The following PTPRO variants were observed in gnomAD, a reference collection of about 807,000 sequenced individuals.
PTPRO encodes the protein receptor-type tyrosine-protein phosphatase O.
PTPRO carries 62 observed loss-of-function variants against 145.2 expected under a neutral mutation model. The observed-to-expected ratio is 0.43, with a 90% CI of 0.35 to 0.53. PTPRO has a LOEUF of 0.53. Ranked by LOEUF, PTPRO falls within the 20% of genes least tolerant of loss-of-function variation. The pLI is 0.01. For synonymous variants in PTPRO, 565 were observed against 514.7 expected (o/e 1.10, Z -1.32); for missense variants, 1,345 against 1,482.7 (o/e 0.91, Z 1.53).
intron 1 of PTPRO, among the ~76,000 whole-genome samples, chr12:15,435,277 G>T (rs1478822523): frequency 1.3e-5 from 2 of 152,134 alleles, no homozygotes; most frequent in Admixed American, 6.5e-5. Context: ...CGTAAGTCAT[G>T]ATTTTATACT....
intron 1 of PTPRO, among the ~76,000 whole-genome samples, chr12:15,359,020 G>A (rs186364380): frequency 3.9e-5 from 6 of 152,274 alleles, no homozygotes; most frequent in Admixed American, 3.3e-4. Context: ...ACTCAAACTT[G>A]AATTTTACAT....
At position 15,427,877 on chromosome 12, in the gene PTPRO, T is replaced by C. The variant is rs917287472; in HGVS notation, c.76-56097T>C. Among the ~76,000 whole-genome samples, 12 of 152,260 alleles carry C rather than the reference T, an allele frequency of 7.9e-5. No individual in the cohort carries two copies. In the East Asian group the frequency reaches 2.3e-3, roughly 29 times the overall value. On this transcript the variant is annotated intron_variant, in intron 1 of 26. Coordinates refer to ENST00000281171, the MANE Select transcript of PTPRO (RefSeq NM_030667.3). ...TGGTTTCCTCTAAGACTGATCAACT[T>C]TCTCCTTTTACATAAGCATATTTGT...
intron 1 of PTPRO, among the ~76,000 whole-genome samples, chr12:15,434,146 C>G (rs550950009): frequency 6.6e-6 from 1 of 152,276 alleles, no homozygotes; most frequent in South Asian, 2.1e-4. Flanking sequence ...GAGTTATATC[C>G]CATATTTCTA....
At chr12:15,567,720 T>C (rs964535048) in intron 18 of PTPRO, among the ~76,000 whole-genome samples, 3 of 152,140 alleles carry the variant, frequency 2.0e-5, no homozygotes, top group East Asian at 1.9e-4. Flanking sequence ...GTCCCAACTT[T>C]AGCCCATTCT....
intron 1 of PTPRO, among the ~76,000 whole-genome samples, chr12:15,347,667 A>C (rs1017888613): frequency 6.6e-6 from 1 of 152,182 alleles, no homozygotes; most frequent in African/African-American, 2.4e-5. Context: ...ACAAAAGATA[A>C]ATTTTTCTGC....
intron 1 of PTPRO, among the ~76,000 whole-genome samples, chr12:15,412,015 T>C (rs1939814231): frequency 6.6e-6 from 1 of 152,210 alleles, no homozygotes; most frequent in Non-Finnish European, 1.5e-5. Context: ...TTTACCACCC[T>C]GTTCATTGTT....
rs186821562 is a variant in PTPRO, at chr12:15,369,710, C to T, written c.75+46909C>T. Among the ~76,000 whole-genome samples, 570 of 152,050 alleles carry T rather than the reference C, an allele frequency of 3.7e-3. 2 individuals carry two copies. The highest frequency in any genetic ancestry group is 0.013 in the African/African-American group (532 of 41,468). ...TATATTGATTATATATCCTAGAATA[C>T]GGAAAATTCTTAAAAATGAAAACTG... is the stretch of plus-strand genomic sequence containing the variant. On this transcript the variant is annotated intron_variant, in intron 1 of 26. Transcript: ENST00000281171.
At chr12:15,330,576 C>G (rs1045103363) in intron 1 of PTPRO, among the ~76,000 whole-genome samples, 1 of 152,182 alleles carries the variant, frequency 6.6e-6, no homozygotes, top group African/African-American at 2.4e-5. Flanking sequence ...AAGGCACTAG[C>G]CAAAGATTAC....
At chr12:15,590,205 G>A (rs1255290413) in intron 25 of PTPRO, among the ~76,000 whole-genome samples, 1 of 151,968 alleles carries the variant, frequency 6.6e-6, no homozygotes, top group Non-Finnish European at 1.5e-5. Flanking sequence ...CTCTTCTCCC[G>A]AGTCCTCCCT....
chr12:15,432,277 GT>G (rs1940462559), intron 1 of PTPRO, among the ~76,000 whole-genome samples: 1 of 152,188 alleles, frequency 6.6e-6, no homozygotes, highest in South Asian at 2.1e-4. Flanking sequence ...TCCTGCAATA[GT>G]TTGCTAAGGA....
chr12:15,384,169 C>T (rs1286647733), intron 1 of PTPRO, among the ~76,000 whole-genome samples: 3 of 152,140 alleles, frequency 2.0e-5, no homozygotes, highest in Admixed American at 1.3e-4. Context: ...TTGGGATCCT[C>T]TTGGCCAAGG....
Position 15,597,792 on chromosome 12 carries a change from C to T in PTPRO, c.*1719C>T, listed in dbSNP as rs139008706. Reference sequence around the variant, plus strand: ...CACCTCCTCCTCTTCTTCTCACCCCCGACTCCTTTATTTCCCTTTTTGGAC... The same window carrying T: ...CACCTCCTCCTCTTCTTCTCACCCCTGACTCCTTTATTTCCCTTTTTGGAC... On this transcript the variant is annotated 3_prime_UTR_variant, in exon 27 of 27. Coordinates refer to ENST00000281171, the MANE Select transcript of PTPRO (RefSeq NM_030667.3). 1.4e-3 allele frequency among the ~76,000 whole-genome samples: 218 copies of T among 152,288 alleles called. 1 individual carries two copies. The highest frequency in any genetic ancestry group is 4.6e-3 in the African/African-American group (190 of 41,564).
Position 15,322,607 on chromosome 12 carries a change from C to A in PTPRO, c.-120C>A. 1 of 828,702 alleles carries A rather than the reference C, an allele frequency of 1.2e-6. No individual in the cohort carries two copies. The highest frequency in any genetic ancestry group is 2.0e-6 in the Non-Finnish European group (1 of 491,538). The allele number at this position is 828,702 out of a possible 1,614,324, so 51.3% of individuals were successfully genotyped here. A position where few individuals can be genotyped will look rare whatever the true frequency, so the allele number is the denominator to read the frequency against. ...AGGGGGACTGGAAAGGCAGCATGCGCTCGCCAGGAGCAACCTCGGCGCCCA... is the reference window on the plus strand; with the variant it reads ...AGGGGGACTGGAAAGGCAGCATGCGATCGCCAGGAGCAACCTCGGCGCCCA... On this transcript the variant is annotated 5_prime_UTR_variant, in exon 1 of 27. Coordinates refer to ENST00000281171, the MANE Select transcript of PTPRO (RefSeq NM_030667.3). This position sits in a 1 kb window ranked among gnomAD's most constrained non-coding sequence, Gnocchi z 6.3.
intron 12 of PTPRO, among the ~76,000 whole-genome samples, chr12:15,543,661 T>A (rs1591708880): frequency 6.6e-6 from 1 of 152,214 alleles, no homozygotes; most frequent in East Asian, 1.9e-4. Context: ...CACATGACCC[T>A]TGTTCTTAAA....
Position 15,526,355 on chromosome 12 carries a change from C to T in PTPRO, c.2164+93C>T, listed in dbSNP as rs530579644. 251 of 1,528,096 alleles carry T rather than the reference C, an allele frequency of 1.6e-4. 3 individuals carry two copies. In the South Asian group the frequency reaches 2.5e-3, roughly 15 times the overall value. The allele number at this position is 1,528,096 out of a possible 1,614,324, so 94.7% of individuals were successfully genotyped here. A position where few individuals can be genotyped will look rare whatever the true frequency, so the allele number is the denominator to read the frequency against. ...GCTCCTCAATTCAATGAAATAATAACAGAAAAATGGCTAATTTTTTATGAG... is the reference window on the plus strand; with the variant it reads ...GCTCCTCAATTCAATGAAATAATAATAGAAAAATGGCTAATTTTTTATGAG... On this transcript the variant is annotated intron_variant, in intron 12 of 26. Coordinates refer to ENST00000281171, the MANE Select transcript of PTPRO (RefSeq NM_030667.3).
intron 12 of PTPRO, among the ~76,000 whole-genome samples, chr12:15,537,774 G>A (rs1223574091): frequency 6.6e-6 from 1 of 152,164 alleles, no homozygotes; most frequent in Non-Finnish European, 1.5e-5. Context: ...ATAGTTAGAG[G>A]TGAGACTTGG....
intron 1 of PTPRO, among the ~76,000 whole-genome samples, chr12:15,404,209 A>G (rs1939585363): frequency 6.6e-6 from 1 of 150,736 alleles, no homozygotes; most frequent in South Asian, 2.1e-4. Flanking sequence ...AAAAAAAAAA[A>G]AAAGAGTGTT....
chr12:15,357,525 A>C (rs1799911810), intron 1 of PTPRO, among the ~76,000 whole-genome samples: 1 of 152,224 alleles, frequency 6.6e-6, no homozygotes, highest in African/African-American at 2.4e-5. Context: ...CAATGAACTC[A>C]AACAAATTTA....
intron 1 of PTPRO, among the ~76,000 whole-genome samples, chr12:15,370,903 A>G (rs1055590474): frequency 6.6e-5 from 10 of 152,200 alleles, no homozygotes; most frequent in African/African-American, 2.2e-4. Context: ...ATTTCCAACA[A>G]TCAGAGATTG....
Sources: allele counts gnomAD v4.1 joint callset (sites outside exome capture counted in the v4.1 genomes callset), GRCh38; gene constraint gnomAD v4.1.1; non-coding constraint Gnocchi (gnomAD v3.1); transcripts MANE v1.5; gene names NCBI Gene and HGNC (gene_info 2026-07-23, HGNC 2026-07-21).